Variants in SGCZ observed in about 807,000 individuals in gnomAD.
The protein encoded by SGCZ is zeta-sarcoglycan.
SGCZ carries 40 observed loss-of-function variants against 41.3 expected under a neutral mutation model. The ratio of observed to expected loss-of-function variants is 0.97; its 90% CI spans 0.75 to 1.26. The LOEUF (loss-of-function observed/expected upper bound fraction) is 1.26, where lower values mean the gene tolerates loss of function less well. SGCZ is among the 50% of genes most tolerant of loss of function. The pLI is 0.00. For missense variants in SGCZ, 552 were observed against 369.8 expected (o/e 1.49, Z -4.04); for synonymous variants, 206 against 137.5 (o/e 1.50, Z -3.49).
At chr8:14,300,435 G>C (rs544518510) in intron 3 of SGCZ, among the ~76,000 whole-genome samples, 1 of 151,684 alleles carries the variant, frequency 6.6e-6, no homozygotes, top group Admixed American at 6.6e-5. Flanking sequence ...ATAAAGCTTG[G>C]GTTCTGAAGT....
intron 1 of SGCZ, among the ~76,000 whole-genome samples, chr8:15,087,160 A>G (rs1563495934): frequency 6.6e-6 from 1 of 152,078 alleles, no homozygotes; most frequent in Non-Finnish European, 1.5e-5. Flanking sequence ...TAGGATGACT[A>G]TAGAGATTAA....
At chr8:14,975,956 A>T (rs983581420) in intron 1 of SGCZ, among the ~76,000 whole-genome samples, 2 of 146,640 alleles carry the variant, frequency 1.4e-5, no homozygotes, top group Non-Finnish European at 3.0e-5. Flanking sequence ...TTCCATAAAC[A>T]TATATATGTG....
intron 2 of SGCZ, among the ~76,000 whole-genome samples, chr8:14,533,789 T>A (rs1803210668): frequency 6.6e-6 from 1 of 152,060 alleles, no homozygotes; most frequent in Non-Finnish European, 1.5e-5. Flanking sequence ...AGAATAATTA[T>A]TAATTTTATG....
At chr8:14,722,374 AT>A (rs1293676081) in intron 1 of SGCZ, among the ~76,000 whole-genome samples, 10 of 152,092 alleles carry the variant, frequency 6.6e-5, no homozygotes, top group Non-Finnish European at 1.5e-4. Flanking sequence ...TCTAATAATA[AT>A]TGATTTTATA....
intron 4 of SGCZ, among the ~76,000 whole-genome samples, chr8:14,226,137 G>A (rs1049485065): frequency 2.6e-5 from 4 of 151,980 alleles, no homozygotes; most frequent in Admixed American, 1.3e-4. Context: ...GACCTGAAGT[G>A]CAGTATTTCC....
At chr8:14,713,596 G>C (rs1158897490) in intron 1 of SGCZ, among the ~76,000 whole-genome samples, 2 of 151,560 alleles carry the variant, frequency 1.3e-5, no homozygotes, top group Non-Finnish European at 1.5e-5. Flanking sequence ...ACGAAGAACT[G>C]TGATTAATGA....
At chr8:14,903,072 T>C (rs1585364293) in intron 1 of SGCZ, among the ~76,000 whole-genome samples, 1 of 152,242 alleles carries the variant, frequency 6.6e-6, no homozygotes, top group South Asian at 2.1e-4. Context: ...GCCACTGTTC[T>C]GTATCCAGTT....
intron 1 of SGCZ, among the ~76,000 whole-genome samples, chr8:15,220,152 C>T (rs967258458): frequency 1.3e-5 from 2 of 152,280 alleles, no homozygotes; most frequent in Non-Finnish European, 2.9e-5. Flanking sequence ...AAAAAAAGCA[C>T]TTTCCTCAAC....
intron 1 of SGCZ, among the ~76,000 whole-genome samples, chr8:14,801,811 T>C (rs1801329960): frequency 6.8e-6 from 1 of 147,110 alleles, no homozygotes; most frequent in African/African-American, 2.4e-5. Flanking sequence ...GCACCAAATT[T>C]TTATGTGCTT....
intron 1 of SGCZ, among the ~76,000 whole-genome samples, chr8:15,135,514 T>C (rs1352060598): frequency 6.6e-6 from 1 of 152,202 alleles, no homozygotes. Flanking sequence ...AATCTCTACA[T>C]GCTGTTTTCT....
chr8:14,656,446 C>CCCTTCCTTCTCTCCTT (rs1339224135), intron 1 of SGCZ, among the ~76,000 whole-genome samples: 24 of 145,188 alleles, frequency 1.7e-4, no homozygotes, highest in African/African-American at 5.8e-4. Context: ...CTCTATCCCT[C>CCCTTCCTTCTCTCCTT]CCTTCCTTCT....
At chr8:14,264,422 A>G (rs1287548199) in intron 3 of SGCZ, among the ~76,000 whole-genome samples, 1 of 152,148 alleles carries the variant, frequency 6.6e-6, no homozygotes, top group African/African-American at 2.4e-5. Context: ...CCTCAGCCTC[A>G]GACAGAAATC....
At position 14,970,407 on chromosome 8, in the gene SGCZ, C is replaced by A. The variant is rs916356480; in HGVS notation, c.39+267178G>T. 5.9e-5 allele frequency among the ~76,000 whole-genome samples: 9 copies of A among 152,220 alleles called. No individual in the cohort carries two copies. The South Asian group carries it at 1.9e-3, about 32-fold the overall frequency. On this transcript the variant is annotated intron_variant, in intron 1 of 7. Coordinates refer to ENST00000382080, the MANE Select transcript of SGCZ (RefSeq NM_139167.4). ...AACAAATATTTGCCTAACTAAGGCA[C>A]AGAAGTTTTTTTCCTTATGTTTCCT...
chr8:14,581,448 T>TG (rs1178427313), intron 1 of SGCZ, among the ~76,000 whole-genome samples: 1 of 151,610 alleles, frequency 6.6e-6, no homozygotes, highest in African/African-American at 2.4e-5. Flanking sequence ...TTTGTTTTTT[T>TG]GTTTTTTTTT....
intron 1 of SGCZ, among the ~76,000 whole-genome samples, chr8:15,216,883 G>C (rs1364571742): frequency 1.3e-5 from 2 of 152,098 alleles, no homozygotes; most frequent in Non-Finnish European, 2.9e-5. Context: ...CCACAAAAGA[G>C]TTATAGAGAG....
intron 1 of SGCZ, among the ~76,000 whole-genome samples, chr8:14,897,799 A>G (rs1373295291): frequency 6.6e-6 from 1 of 152,116 alleles, no homozygotes; most frequent in African/African-American, 2.4e-5. Context: ...TATCTGATTC[A>G]CAAACATCAA....
intron 2 of SGCZ, among the ~76,000 whole-genome samples, chr8:14,461,130 GC>G (rs1426407611): frequency 6.6e-6 from 1 of 151,978 alleles, no homozygotes; most frequent in Non-Finnish European, 1.5e-5. Flanking sequence ...AGGTTCCTTC[GC>G]AGGGCTGCTG....
chr8:14,352,433 T>C (rs946174945), intron 2 of SGCZ, among the ~76,000 whole-genome samples: 1 of 152,046 alleles, frequency 6.6e-6, no homozygotes, highest in Non-Finnish European at 1.5e-5. Flanking sequence ...AATAAGTTTG[T>C]GTAGTTTTAT....
chr8:14,146,122 G>A (rs1464377371), intron 5 of SGCZ, among the ~76,000 whole-genome samples: 1 of 152,100 alleles, frequency 6.6e-6, no homozygotes, highest in Non-Finnish European at 1.5e-5. Context: ...TCAACCCAAA[G>A]AAGGGTTAAA....
Sources: gnomAD v4.1 joint callset for allele counts (sites outside exome capture counted in the v4.1 genomes callset) on GRCh38, gnomAD v4.1.1 for gene constraint, MANE v1.5 for transcripts, NCBI Gene and HGNC (gene_info 2026-07-23, HGNC 2026-07-21) for gene names.